The following DUSP7 variants were observed in gnomAD, a reference collection of about 807,000 sequenced individuals.
DUSP7 encodes dual specificity protein phosphatase 7.
A neutral mutation model predicts 29.8 loss-of-function variants in DUSP7; 7 were observed. That is an observed-to-expected ratio of 0.24 (90% confidence interval 0.13 to 0.44). The LOEUF is 0.44. Among genes scored for constraint, DUSP7 ranks in the 20% least tolerant of loss-of-function variants. The pLI, the probability that DUSP7 is intolerant of heterozygous loss-of-function variation, is 1.00. For synonymous variants in DUSP7, 287 were observed against 275.4 expected (o/e 1.04, Z -0.42); for missense variants, 400 against 583.7 (o/e 0.69, Z 3.24).
chr3:52,056,472 G>A lies in DUSP7; in HGVS notation c.-106C>T. On this transcript the variant is annotated 5_prime_UTR_variant, in exon 1 of 3. Transcript: ENST00000495880. The surrounding 1 kb of genome is among the most constrained non-coding windows in gnomAD (Gnocchi z 6.4). ...TCTCCGGGCGCCCGCCTCCCGCCGA[G>A]CTGCGCGCCCGCCGCCCCGGCCTCC... The A allele has an allele frequency of 1.9e-6, 1 of 539,300 alleles. No individual in the cohort carries two copies. The highest frequency in any genetic ancestry group is 2.4e-6 in the Non-Finnish European group (1 of 425,318). 33.4% of individuals were successfully genotyped at this position (539,300 alleles called of 1,614,324 possible). A position where few individuals can be genotyped will look rare whatever the true frequency, so the allele number is the denominator to read the frequency against.
chr3:52,052,524 A>G (rs1370480879), intron 2 of DUSP7: 4 of 152,318 alleles, frequency 2.6e-5, no homozygotes. Flanking sequence ...GGGTGCTGGG[A>G]CCAGCCTCCA....
Position 52,050,264 on chromosome 3 carries a change from G to C in DUSP7, c.*551C>G, listed in dbSNP as rs776329057. On this transcript the variant is annotated 3_prime_UTR_variant, in exon 3 of 3. Coordinates refer to ENST00000495880, the MANE Select transcript of DUSP7 (RefSeq NM_001947.4). This position sits in a 1 kb window ranked among gnomAD's most constrained non-coding sequence, Gnocchi z 5.0. The stretch of plus-strand genomic sequence containing the variant: ...AAAAACAAAAACAAACACGATACTT[G>C]CTTTTTGAAATTGAACGAAAAACAA... 6.6e-6 allele frequency: 1 copy of C among 151,870 alleles called. No individual in the cohort carries two copies. The highest frequency in any genetic ancestry group is 1.5e-5 in the Non-Finnish European group (1 of 68,034). 9.4% of individuals were successfully genotyped at this position (151,870 alleles called of 1,614,324 possible). A position where few individuals can be genotyped will look rare whatever the true frequency, so the allele number is the denominator to read the frequency against.
In DUSP7 at chr3:52,050,716, G is replaced by C; in HGVS notation, c.*99C>G. On this transcript the variant is annotated 3_prime_UTR_variant, in exon 3 of 3. Transcript: ENST00000495880. The surrounding 1 kb of genome is among the most constrained non-coding windows in gnomAD (Gnocchi z 5.0). ...GGCCTCTGGGCACAGGTGACATCTG[G>C]GGGTTCCTCAGGCCAGAGGTGGCGG... 7.5e-7 allele frequency: 1 copy of C among 1,336,168 alleles called. No homozygotes were observed. 82.8% of individuals were successfully genotyped at this position (1,336,168 alleles called of 1,614,324 possible). A position where few individuals can be genotyped will look rare whatever the true frequency, so the allele number is the denominator to read the frequency against.
rs779169243 is a variant in DUSP7, at chr3:52,051,151, G to A, written c.953-29C>T. ...AAACACATTGGCATGGGTCAGGGAG[G>A]TGCCTCCTTCAAGGAGCCTTCCCAC... is the stretch of plus-strand genomic sequence containing the variant. On this transcript the variant is annotated intron_variant, in intron 2 of 2. Coordinates refer to ENST00000495880, the MANE Select transcript of DUSP7 (RefSeq NM_001947.4). This position sits in a 1 kb window ranked among gnomAD's most constrained non-coding sequence, Gnocchi z 4.8. The A allele has an allele frequency of 4.2e-5, 67 of 1,579,758 alleles. No individual in the cohort carries two copies. The highest frequency in any genetic ancestry group is 5.6e-5 in the Non-Finnish European group (65 of 1,164,552).
chr3:52,055,379 C>T (rs1171955699), intron 1 of DUSP7, among the ~76,000 whole-genome samples: 3 of 152,152 alleles, frequency 2.0e-5, no homozygotes, highest in Non-Finnish European at 2.9e-5. Flanking sequence ...GAAGCAATTC[C>T]CGGATCCAGG....
Position 52,053,048 on chromosome 3 carries a change from CA to C in DUSP7, c.952+891del. 6.6e-6 allele frequency: 1 copy of C among 152,446 alleles called. No individual in the cohort carries two copies. Among genetic ancestry groups the C allele is most frequent in the Non-Finnish European group, 1.5e-5 (1 of 68,124 alleles). The allele number at this position is 152,446 out of a possible 1,614,324, so 9.4% of individuals were successfully genotyped here. A position where few individuals can be genotyped will look rare whatever the true frequency, so the allele number is the denominator to read the frequency against. On this transcript the variant is annotated intron_variant, in intron 2 of 2. Coordinates refer to ENST00000495880, the MANE Select transcript of DUSP7 (RefSeq NM_001947.4). This position sits in a 1 kb window ranked among gnomAD's most constrained non-coding sequence, Gnocchi z 4.6. ...AAAGCTAGCCCAGCCCAGCCGACAC[CA>C]AAACGCCCTCCACTGGACACAGCCA...
In DUSP7 at chr3:52,053,937, T is replaced by C. The variant is rs1450859964; in HGVS notation, c.952+3A>G. Reference sequence around the variant, plus strand: ...ACCCCCCTGCCCAGCACACAGCACCTACCAATGAAGCTGATGGCCTCAGGG... The same window carrying C: ...ACCCCCCTGCCCAGCACACAGCACCCACCAATGAAGCTGATGGCCTCAGGG... On this transcript the variant is annotated splice_donor_region_variant and intron_variant, in intron 2 of 2. Coordinates refer to ENST00000495880, the MANE Select transcript of DUSP7 (RefSeq NM_001947.4). This position sits in a 1 kb window ranked among gnomAD's most constrained non-coding sequence, Gnocchi z 4.6. The C allele has an allele frequency of 1.2e-6, 2 of 1,613,976 alleles. No homozygotes were observed. Among genetic ancestry groups the C allele is most frequent in the South Asian group, 1.1e-5 (1 of 91,062 alleles).
Position 52,051,180 on chromosome 3 carries a change from G to T in DUSP7, c.953-58C>A. 6.5e-7 allele frequency: 1 copy of T among 1,533,560 alleles called. No homozygotes were observed. The highest frequency in any genetic ancestry group is 1.2e-5 in the South Asian group (1 of 81,844). 95.0% of individuals were successfully genotyped at this position (1,533,560 alleles called of 1,614,324 possible). The stretch of plus-strand genomic sequence containing the variant: ...CTCCTTCAAGGAGCCTTCCCACATG[G>T]GTGGGCAGGTGGGGCTGGGGCACAG... On this transcript the variant is annotated intron_variant, in intron 2 of 2. Transcript: ENST00000495880. The surrounding 1 kb of genome is among the most constrained non-coding windows in gnomAD (Gnocchi z 4.8).
At position 52,050,512 on chromosome 3, in the gene DUSP7, G is replaced by C. The variant is rs118093223; in HGVS notation, c.*303C>G. The C allele has an allele frequency of 1.8e-3, 528 of 296,774 alleles. 10 individuals carry two copies. The East Asian group carries it at 0.027, about 15-fold the overall frequency. 18.4% of individuals were successfully genotyped at this position (296,774 alleles called of 1,614,324 possible). A position where few individuals can be genotyped will look rare whatever the true frequency, so the allele number is the denominator to read the frequency against. ...TCCGTGGATGTGTCTTTAAAAAACAGCCAAACTGGCTGGGCTGTCAGCAGA... is the reference window on the plus strand; with the variant it reads ...TCCGTGGATGTGTCTTTAAAAAACACCCAAACTGGCTGGGCTGTCAGCAGA... On this transcript the variant is annotated 3_prime_UTR_variant, in exon 3 of 3. Transcript: ENST00000495880. The surrounding 1 kb of genome is among the most constrained non-coding windows in gnomAD (Gnocchi z 5.0).
chr3:52,053,827 GCA>G lies in DUSP7; in HGVS notation c.952+111_952+112del. The G allele has an allele frequency of 8.4e-7, 1 of 1,192,306 alleles. No homozygotes were observed. The highest frequency in any genetic ancestry group is 1.2e-6 in the Non-Finnish European group (1 of 825,298). The allele number at this position is 1,192,306 out of a possible 1,614,324, so 73.9% of individuals were successfully genotyped here. A position where few individuals can be genotyped will look rare whatever the true frequency, so the allele number is the denominator to read the frequency against. The stretch of plus-strand genomic sequence containing the variant: ...ACGGGCACACGCTGGCACACGTAGG[GCA>G]CACACAGGTCTCAACAGGCCCAGAG... On this transcript the variant is annotated intron_variant, in intron 2 of 2. Transcript: ENST00000495880. This position sits in a 1 kb window ranked among gnomAD's most constrained non-coding sequence, Gnocchi z 4.6.
intron 1 of DUSP7, among the ~76,000 whole-genome samples, chr3:52,055,636 T>G (rs1156304534): frequency 2.0e-5 from 3 of 152,024 alleles, no homozygotes; most frequent in Non-Finnish European, 4.4e-5. Context: ...TTCCACCCAC[T>G]CGAATCGTGC....
chr3:52,056,202 C>A lies in DUSP7; in HGVS notation c.165G>T (p.Lys55Asn). 1 of 1,545,808 alleles carries A rather than the reference C, an allele frequency of 6.5e-7. No homozygotes were observed. Among genetic ancestry groups the A allele is most frequent in the Non-Finnish European group, 8.7e-7 (1 of 1,152,872 alleles). Residue 55 changes from lysine (K) to asparagine (N), a missense_variant, in exon 1 of 3, where the codon AAG (lysine) becomes AAT (asparagine). By Grantham distance (94) the Lys-to-Asn change is moderately conservative (BLOSUM62 0). Transcript: ENST00000495880. The surrounding 1 kb of genome is among the most constrained non-coding windows in gnomAD (Gnocchi z 6.4). ...GCTCCTCCTGCAGCCACTCGGCGCTCTTGCAGGGCATGGCCCCTGCCCCCG... is the reference window on the plus strand; with the variant it reads ...GCTCCTCCTGCAGCCACTCGGCGCTATTGCAGGGCATGGCCCCTGCCCCCG... ...AATGAGAMPC[K>N]SAEWLQEELE...
Position 52,053,568 on chromosome 3 carries a change from G to A in DUSP7, c.952+372C>T, listed in dbSNP as rs1041300882. 11 of 272,788 alleles carry A rather than the reference G, an allele frequency of 4.0e-5. No homozygotes were observed. The highest frequency in any genetic ancestry group is 8.7e-5 in the East Asian group (1 of 11,486). 16.9% of individuals were successfully genotyped at this position (272,788 alleles called of 1,614,324 possible). A position where few individuals can be genotyped will look rare whatever the true frequency, so the allele number is the denominator to read the frequency against. ...TGACAACCCCATCCTGGAGAGACAC[G>A]TGTGCTGAGGCGTGATGCGGAGCAA... is the stretch of plus-strand genomic sequence containing the variant. On this transcript the variant is annotated intron_variant, in intron 2 of 2. Coordinates refer to ENST00000495880, the MANE Select transcript of DUSP7 (RefSeq NM_001947.4). This position sits in a 1 kb window ranked among gnomAD's most constrained non-coding sequence, Gnocchi z 4.6.
At chr3:52,052,121 T>C (rs1167722609) in intron 2 of DUSP7, 1 of 152,242 alleles carries the variant, frequency 6.6e-6, no homozygotes, top group East Asian at 1.9e-4. Flanking sequence ...TAATCTCTCC[T>C]GGACCCCGGG....
At position 52,054,848 on chromosome 3, in the gene DUSP7, A is replaced by C. The variant is rs1371090094; in HGVS notation, c.518-474T>G. 6.6e-6 allele frequency among the ~76,000 whole-genome samples: 1 copy of C among 152,226 alleles called. No homozygotes were observed. The highest frequency in any genetic ancestry group is 1.5e-5 in the Non-Finnish European group (1 of 68,028). On this transcript the variant is annotated intron_variant, in intron 1 of 2. Coordinates refer to ENST00000495880, the MANE Select transcript of DUSP7 (RefSeq NM_001947.4). This position sits in a 1 kb window ranked among gnomAD's most constrained non-coding sequence, Gnocchi z 4.1. ...CAGGTGCCAGAGCCACATCTGGCTC[A>C]GTTAGAGGCAGAGAGGTCCTGGGCT...
chr3:52,056,282 A>T lies in DUSP7; in HGVS notation c.85T>A (p.Ser29Thr). ...AAAAGGTRAG[S>T]EPGAGSGSGA... ...GACCCCGACCCCGCACCGGGCTCGG[A>T]CCCCGCCCGGGTGCCCCCAGCCGCC... Residue 29 changes from serine (S) to threonine (T), a missense_variant, in exon 1 of 3, where the codon TCC becomes ACC. This residue lies in a region of DUSP7 where 96 missense variants were observed against 97.1 expected (regional missense o/e 0.99). Transcript: ENST00000495880. The surrounding 1 kb of genome is among the most constrained non-coding windows in gnomAD (Gnocchi z 6.4). The T allele has an allele frequency of 2.4e-6, 3 of 1,238,386 alleles. No individual in the cohort carries two copies. The highest frequency in any genetic ancestry group is 3.0e-6 in the Non-Finnish European group (3 of 993,868). 76.7% of individuals were successfully genotyped at this position (1,238,386 alleles called of 1,614,324 possible). A position where few individuals can be genotyped will look rare whatever the true frequency, so the allele number is the denominator to read the frequency against.
rs1443864350 is a variant in DUSP7 at position 52,056,356 on chromosome 3, T to C, written c.11A>G (p.Gln4Arg). 6 of 1,130,996 alleles carry C rather than the reference T, an allele frequency of 5.3e-6. No individual in the cohort carries two copies. Among genetic ancestry groups the C allele is most frequent in the Non-Finnish European group, 1.1e-6 (1 of 925,800 alleles). The allele number at this position is 1,130,996 out of a possible 1,614,324, so 70.1% of individuals were successfully genotyped here. A position where few individuals can be genotyped will look rare whatever the true frequency, so the allele number is the denominator to read the frequency against. Reference sequence around the variant, plus strand: ...CGCCCGCGCTGGGGGGCCGCGGAGCTGGTTTTTCATGGGGAGCGCGGGCGG... The same window carrying C: ...CGCCCGCGCTGGGGGGCCGCGGAGCCGGTTTTTCATGGGGAGCGCGGGCGG... MKN[Q>R]LRGPPARAHM... Residue 4 changes from glutamine (Q) to arginine (R), a missense_variant, in exon 1 of 3, where the codon CAG becomes CGG. Coordinates refer to ENST00000495880, the MANE Select transcript of DUSP7 (RefSeq NM_001947.4). This position sits in a 1 kb window ranked among gnomAD's most constrained non-coding sequence, Gnocchi z 6.4.
rs1701817227 is a variant in DUSP7 at position 52,049,097 on chromosome 3, C to A, written c.*1718G>T. ...TACCCTCATTTACACAAATCTGGTA[C>A]ATCTTTCTGGGTTTTCTTTTTAAAA... On this transcript the variant is annotated 3_prime_UTR_variant, in exon 3 of 3. Coordinates refer to ENST00000495880, the MANE Select transcript of DUSP7 (RefSeq NM_001947.4). 1 of 152,160 alleles carries A rather than the reference C, an allele frequency of 6.6e-6. No individual in the cohort carries two copies. The highest frequency in any genetic ancestry group is 2.1e-4 in the South Asian group (1 of 4,830). The allele number at this position is 152,160 out of a possible 1,614,324, so 9.4% of individuals were successfully genotyped here.
rs757894937 is a variant in DUSP7, at chr3:52,055,965, C to T, written c.402G>A (p.Leu134=). ...FATRCKAATV[L]LYDEATAEWQ... is the part of the protein sequence containing the mutation. ...ACTCGGCCGTGGCCTCGTCGTAGAG[C>T]AGCACGGTGGCCGCCTTGCAGCGCG... Residue 134 remains leucine (L), a synonymous_variant, in exon 1 of 3, where the codon CTG becomes CTA. Coordinates refer to ENST00000495880, the MANE Select transcript of DUSP7 (RefSeq NM_001947.4). The T allele has an allele frequency of 1.3e-6, 2 of 1,576,548 alleles. No homozygotes were observed. The highest frequency in any genetic ancestry group is 1.1e-5 in the South Asian group (1 of 87,002).
Sources: gnomAD v4.1 joint callset for allele counts (sites outside exome capture counted in the v4.1 genomes callset) on GRCh38, gnomAD v4.1.1 for gene constraint, gnomAD v4.1.1 regional missense constraint, Gnocchi (gnomAD v3.1) non-coding constraint, MANE v1.5 for transcripts, NCBI Gene and HGNC (gene_info 2026-07-23, HGNC 2026-07-21) for gene names.